The following GRIK1 variants were observed in gnomAD, a reference collection of about 807,000 sequenced individuals.
The protein encoded by GRIK1 is glutamate ionotropic receptor kainate type subunit 1.
Under a neutral mutation model 105.7 loss-of-function variants are expected in GRIK1, and 69 were observed. The ratio of observed to expected loss-of-function variants is 0.65; its 90% CI spans 0.54 to 0.80. The LOEUF (loss-of-function observed/expected upper bound fraction) is 0.80. Ranked by LOEUF, GRIK1 falls within the 30% of genes least tolerant of loss-of-function variation. GRIK1 has a pLI of 0.00. For missense variants in GRIK1, 1,109 were observed against 1,167.3 expected (o/e 0.95, Z 0.73); for synonymous variants, 438 against 431.3 (o/e 1.02, Z -0.19).
At chr21:29,874,010 A>G (rs468480) in intron 1 of GRIK1, among the ~76,000 whole-genome samples, 30,198 of 152,092 alleles carry the variant, frequency 0.2, 3,322 homozygotes, top group East Asian at 0.38. Context: ...TCCCTCTCCT[A>G]TGAGAATCTA....
At chr21:29,897,413 G>A (rs1489486346) in intron 1 of GRIK1, among the ~76,000 whole-genome samples, 1 of 152,116 alleles carries the variant, frequency 6.6e-6, no homozygotes, top group Non-Finnish European at 1.5e-5. Context: ...ATAACTAAGG[G>A]GAATTGGAGA....
intron 7 of GRIK1, chr21:29,601,239 C>A (rs761760503): frequency 1.3e-4 from 68 of 509,774 alleles, no homozygotes; most frequent in African/African-American, 1.3e-3. Context: ...GCTGAAACAG[C>A]GGCCTTCACC....
chr21:29,726,365 C>A (rs2064461519), intron 1 of GRIK1, among the ~76,000 whole-genome samples: 1 of 152,014 alleles, frequency 6.6e-6, no homozygotes, highest in African/African-American at 2.4e-5. Context: ...GACTTTTATG[C>A]CTAATTATAT....
At chr21:29,603,025 C>T (rs564417837) in intron 7 of GRIK1, among the ~76,000 whole-genome samples, 68 of 152,158 alleles carry the variant, frequency 4.5e-4, no homozygotes, top group African/African-American at 1.6e-3. Context: ...AGCACAATTC[C>T]TCCATTTCCC....
intron 1 of GRIK1, among the ~76,000 whole-genome samples, chr21:29,901,448 A>C (rs1409962548): frequency 2.0e-5 from 3 of 152,164 alleles, no homozygotes; most frequent in Non-Finnish European, 4.4e-5. Context: ...TGCAATAAAA[A>C]ATGATAAAGG....
At chr21:29,627,238 T>C (rs888615186) in intron 7 of GRIK1, among the ~76,000 whole-genome samples, 9 of 152,258 alleles carry the variant, frequency 5.9e-5, no homozygotes, top group African/African-American at 2.2e-4. Context: ...TCCCAATTAG[T>C]TGTTAACTTT....
chr21:29,597,022 C>A (rs1354156088), intron 8 of GRIK1, among the ~76,000 whole-genome samples: 1 of 151,964 alleles, frequency 6.6e-6, no homozygotes, highest in East Asian at 1.9e-4. Context: ...TGCTTGATGA[C>A]TTGTTCTTTG....
At chr21:29,705,987 C>T (rs1281322619) in intron 1 of GRIK1, among the ~76,000 whole-genome samples, 1 of 151,684 alleles carries the variant, frequency 6.6e-6, no homozygotes, top group Non-Finnish European at 1.5e-5. Context: ...GATTCTCCTG[C>T]CTCAGCCTCC....
intron 1 of GRIK1, among the ~76,000 whole-genome samples, chr21:29,834,561 A>T (rs1402001290): frequency 6.6e-6 from 1 of 150,782 alleles, no homozygotes; most frequent in Non-Finnish European, 1.5e-5. Flanking sequence ...AAGAGTGATA[A>T]AGAGCATGGG....
intron 1 of GRIK1, among the ~76,000 whole-genome samples, chr21:29,820,443 A>T (rs893609671): frequency 1.8e-4 from 27 of 152,094 alleles, no homozygotes; most frequent in Non-Finnish European, 2.9e-5. Context: ...CTGGGAAATT[A>T]TATTTAGAAT....
At chr21:29,855,510 G>A (rs1216012475) in intron 1 of GRIK1, among the ~76,000 whole-genome samples, 1 of 152,214 alleles carries the variant, frequency 6.6e-6, no homozygotes, top group African/African-American at 2.4e-5. Flanking sequence ...CAGCATCTTA[G>A]ACCAAGTACA....
intron 1 of GRIK1, among the ~76,000 whole-genome samples, chr21:29,848,770 T>C (rs1293377483): frequency 1.0e-5 from 1 of 99,458 alleles, no homozygotes; most frequent in African/African-American, 5.4e-5. Context: ...TATATATATA[T>C]ATATATATAT....
chr21:29,673,101 C>A lies in GRIK1; in HGVS notation c.608G>T (p.Arg203Leu). 6.2e-7 allele frequency: 1 copy of A among 1,612,086 alleles called. No homozygotes were observed. The highest frequency in any genetic ancestry group is 8.5e-7 in the Non-Finnish European group (1 of 1,178,334). ...ATCTTTATTCCCAGAGGGCAGCTGG[C>A]GGATTTTGATTTTAATATTATATCT... ...PSRYNIKIKI[R>L]QLPSGNKDAK... Residue 203 changes from arginine to leucine, a missense_variant, in exon 4 of 18, where the codon CGC becomes CTC. Physicochemically the swap from Arg to Leu is moderately radical, Grantham distance 102 (BLOSUM62 -2). Transcript: ENST00000327783.
rs560246068 is a variant in GRIK1 at position 29,799,916 on chromosome 21, C to G, written c.119-105853G>C. 3.3e-5 allele frequency among the ~76,000 whole-genome samples: 5 copies of G among 152,190 alleles called. No homozygotes were observed. The South Asian group carries it at 1.0e-3, about 32-fold the overall frequency. ...TAAAGAGGTCATTTTAAGGTTAAAC[C>G]ATTATTGGCTCTACAGTAAAGTGTG... On this transcript the variant is annotated intron_variant, in intron 1 of 17. Coordinates refer to ENST00000327783, the MANE Select transcript of GRIK1 (RefSeq NM_001330994.2).
chr21:29,938,500 C>A lies in GRIK1; in HGVS notation c.118+883G>T, dbSNP rs116728883. Among the ~76,000 whole-genome samples, 587 of 152,356 alleles carry A rather than the reference C, an allele frequency of 3.9e-3. 1 individual carries two copies. The highest frequency in any genetic ancestry group is 0.012 in the African/African-American group (515 of 41,582). On this transcript the variant is annotated intron_variant, in intron 1 of 17. Transcript: ENST00000327783. The stretch of plus-strand genomic sequence containing the variant: ...AGAAATTGCCCTATGCAGCCACAGA[C>A]CAAACCTTGGTGGTGGGTGCTATAC...
chr21:29,619,021 G>A (rs2061919355), intron 7 of GRIK1, among the ~76,000 whole-genome samples: 1 of 151,690 alleles, frequency 6.6e-6, no homozygotes, highest in Non-Finnish European at 1.5e-5. Flanking sequence ...AGCTACTCGG[G>A]AGGCTGAGGC....
At chr21:29,595,053 C>T (rs1054272961) in intron 9 of GRIK1, among the ~76,000 whole-genome samples, 3 of 151,898 alleles carry the variant, frequency 2.0e-5, no homozygotes, top group African/African-American at 7.3e-5. Flanking sequence ...CTCAGGTTAC[C>T]GTGAATTTTT....
chr21:29,839,383 T>G (rs2067911174), intron 1 of GRIK1, among the ~76,000 whole-genome samples: 1 of 152,168 alleles, frequency 6.6e-6, no homozygotes, highest in Non-Finnish European at 1.5e-5. Flanking sequence ...AGTAAAGGCT[T>G]TGTCCATAAA....
intron 1 of GRIK1, among the ~76,000 whole-genome samples, chr21:29,705,809 GTCC>G (rs1346043988): frequency 6.6e-6 from 1 of 151,418 alleles, no homozygotes; most frequent in East Asian, 1.9e-4. Context: ...TAAGGTGCAT[GTCC>G]ATGACATTTA....
Sources: allele counts gnomAD v4.1 joint callset (sites outside exome capture counted in the v4.1 genomes callset), GRCh38; gene constraint gnomAD v4.1.1; transcripts MANE v1.5; gene names NCBI Gene and HGNC (gene_info 2026-07-23, HGNC 2026-07-21).